Variants in EDA2R observed in about 807,000 individuals in gnomAD.
EDA2R encodes the protein tumor necrosis factor receptor superfamily member 27.
Under a neutral mutation model 20.1 loss-of-function variants are expected in EDA2R, and 26 were observed. That is an observed-to-expected ratio of 1.30 (90% CI 0.95 to 1.80). EDA2R has a LOEUF of 1.80. Ranked by LOEUF, EDA2R falls within the 40% of genes most tolerant of loss-of-function variation. The pLI is 0.00. For missense variants in EDA2R, 277 were observed against 228.7 expected, an observed-to-expected ratio of 1.21 and a Z score of -1.36; for synonymous variants, 114 against 88.7, an observed-to-expected ratio of 1.29 and a Z score of -1.60.
chrX:66,599,413 G>T (rs1322959887), intron 6 of EDA2R, 61 bp downstream of exon 6: 2 of 1,049,451 alleles, frequency 1.9e-6, no homozygotes, highest in Non-Finnish European at 2.5e-6. Flanking sequence ...ATTCCTTGAG[G>T]TTAGTCCTTA....
At chrX:66,608,878 G>A (rs1192912028) in intron 2 of EDA2R, among the ~76,000 whole-genome samples, 1 of 111,682 alleles carries the variant, frequency 9.0e-6, no homozygotes, top group Non-Finnish European at 1.9e-5. Flanking sequence ...TATTGCTTAA[G>A]GCATACAGAG....
intron 1 of EDA2R, among the ~76,000 whole-genome samples, chrX:66,626,211 C>T (rs760936786): frequency 1.6e-4 from 18 of 111,366 alleles, no homozygotes; most frequent in African/African-American, 2.0e-4. Flanking sequence ...AGTTATTAAG[C>T]GAATCAGGGA....
At position 66,597,621 on chromosome X, in the gene EDA2R, G is replaced by C. The variant is rs1391970279; in HGVS notation, c.*483C>G. On this transcript the variant is annotated 3_prime_UTR_variant, in exon 7 of 7. Coordinates refer to ENST00000374719, the MANE Select transcript of EDA2R (RefSeq NM_021783.5). ...AAGATAGATATTAATGTGTGTGTGT[G>C]TGTTTGTGTGTCTATGTATATGTGT... 1 of 111,926 alleles carries C rather than the reference G, an allele frequency of 8.9e-6. No homozygotes were observed. The highest frequency in any genetic ancestry group is 1.9e-5 in the Non-Finnish European group (1 of 53,579). 9.2% of individuals were successfully genotyped at this position (111,926 alleles called of 1,213,427 possible).
At chrX:66,617,273 A>G (rs1931879715) in intron 1 of EDA2R, among the ~76,000 whole-genome samples, 1 of 111,838 alleles carries the variant, frequency 8.9e-6, no homozygotes, top group Admixed American at 9.4e-5. Flanking sequence ...CCTTTTTTTC[A>G]TCATCAACTG....
chrX:66,635,909 A>AT (rs200768951), intron 1 of EDA2R, among the ~76,000 whole-genome samples: 1,465 of 110,300 alleles, frequency 0.013, 7 homozygotes, highest in Non-Finnish European at 0.022. Context: ...ATATTCTTTA[A>AT]TTTTTTTTTG....
chrX:66,599,635 A>C lies in EDA2R; in HGVS notation c.743T>G (p.Val248Gly). 1 of 1,205,574 alleles carries C rather than the reference A, an allele frequency of 8.3e-7. No homozygotes were observed. The highest frequency in any genetic ancestry group is 1.1e-6 in the Non-Finnish European group (1 of 892,821). The change falls in exon 6 of 7, where the codon GTC becomes GGC. Residue 248 changes from valine to glycine, a missense_variant. Coordinates refer to ENST00000374719, the MANE Select transcript of EDA2R (RefSeq NM_021783.5). ...CTCTGTGCATTCGATGGGGCTGTGG[A>C]CCCAGTGGGAGTGGCTCTCTGAGGT... The part of the protein sequence containing the change: ...SCTSESHSHW[V>G]HSPIECTELD...
chrX:66,627,055 GACAA>G (rs1569253778), intron 1 of EDA2R, among the ~76,000 whole-genome samples: 1 of 111,558 alleles, frequency 9.0e-6, no homozygotes, highest in Non-Finnish European at 1.9e-5. Flanking sequence ...GTCTTCTTCA[GACAA>G]ACAAATGCTG....
At chrX:66,619,329 A>T (rs1471578513) in intron 1 of EDA2R, among the ~76,000 whole-genome samples, 1 of 112,559 alleles carries the variant, frequency 8.9e-6, no homozygotes, top group Non-Finnish European at 1.9e-5. Flanking sequence ...TTTTTTCATC[A>T]AGGCATTTCT....
At chrX:66,627,558 G>A (rs893482006) in intron 1 of EDA2R, among the ~76,000 whole-genome samples, 2 of 112,368 alleles carry the variant, frequency 1.8e-5, no homozygotes, top group Admixed American at 9.4e-5. Flanking sequence ...CATCATACAA[G>A]TCCTTGTCCA....
intron 1 of EDA2R, among the ~76,000 whole-genome samples, chrX:66,616,390 T>C (rs1051291157): frequency 6.2e-5 from 7 of 112,256 alleles, no homozygotes; most frequent in African/African-American, 2.3e-4. Context: ...AGACAAGGAG[T>C]TGGCTTCTGC....
intron 1 of EDA2R, among the ~76,000 whole-genome samples, chrX:66,620,905 A>G (rs1235868784): frequency 9.6e-6 from 1 of 103,998 alleles, no homozygotes. Context: ...GGTCGGTGTT[A>G]TCAGCAACAA....
chrX:66,607,606 C>G, intron 2 of EDA2R, among the ~76,000 whole-genome samples: 1 of 110,226 alleles, frequency 9.1e-6, no homozygotes, highest in Non-Finnish European at 1.9e-5. Context: ...AGAGCAATAC[C>G]CAGTCCCAAA....
intron 6 of EDA2R, 64 bp from the exon 7 acceptor site, chrX:66,598,157 T>C: frequency 2.3e-6 from 1 of 443,478 alleles, no homozygotes; most frequent in Non-Finnish European, 3.4e-6. Context: ...CTTCTTTCTC[T>C]ACCCCTCCAA....
chrX:66,599,864 C>T lies in EDA2R; in HGVS notation c.518-4G>A, dbSNP rs1035941125. ...GCCTCAAACTGCAGCAAACCTCCTG[C>T]AACTCGAAGCAGAAAGCCACTGGGT... On this transcript the variant is annotated splice_polypyrimidine_tract_variant and splice_region_variant and intron_variant, in intron 5 of 6. Coordinates refer to ENST00000374719, the MANE Select transcript of EDA2R (RefSeq NM_021783.5). 11 of 1,197,441 alleles carry T rather than the reference C, an allele frequency of 9.2e-6. No individual in the cohort carries two copies. The Admixed American group carries it at 2.5e-4, about 27-fold the overall frequency.
chrX:66,621,965 T>A (rs1932697619), intron 1 of EDA2R, among the ~76,000 whole-genome samples: 1 of 112,174 alleles, frequency 8.9e-6, no homozygotes, highest in Middle Eastern at 4.2e-3. Flanking sequence ...ATTATTCCAA[T>A]AGGATATTGC....
intron 1 of EDA2R, among the ~76,000 whole-genome samples, chrX:66,625,173 A>G (rs1438612665): frequency 9.0e-6 from 1 of 111,547 alleles, no homozygotes; most frequent in Non-Finnish European, 1.9e-5. Context: ...CCTGGCCAGA[A>G]CTTGGGGTAG....
intron 2 of EDA2R, among the ~76,000 whole-genome samples, chrX:66,611,584 C>G: frequency 9.1e-6 from 1 of 110,473 alleles, no homozygotes; most frequent in Non-Finnish European, 1.9e-5. Context: ...AGAGAAGAGA[C>G]AGATGATAGA....
chrX:66,626,731 T>C (rs1371655694), intron 1 of EDA2R, among the ~76,000 whole-genome samples: 1 of 102,889 alleles, frequency 9.7e-6, no homozygotes, highest in Non-Finnish European at 2.0e-5. Context: ...TTATCTAAAG[T>C]TAACACAAAG....
At chrX:66,613,534 A>G (rs750372653) in intron 2 of EDA2R, among the ~76,000 whole-genome samples, 1 of 112,005 alleles carries the variant, frequency 8.9e-6, no homozygotes, top group South Asian at 3.7e-4. Flanking sequence ...AAGGCATAAA[A>G]TTAATAGATC....
Sources: gnomAD v4.1 joint callset for allele counts (sites outside exome capture counted in the v4.1 genomes callset) on GRCh38, gnomAD v4.1.1 for gene constraint, MANE v1.5 for transcripts, NCBI Gene and HGNC (gene_info 2026-07-23, HGNC 2026-07-21) for gene names.